Variants in ADAM2 observed in about 807,000 individuals in gnomAD.
ADAM2 encodes the protein ADAM metallopeptidase domain 2, also known as disintegrin and metalloproteinase domain-containing protein 2.
ADAM2 carries 101 observed loss-of-function variants against 99.3 expected under a neutral mutation model. The observed-to-expected ratio is 1.02, with a 90% CI of 0.87 to 1.20. ADAM2 has a LOEUF of 1.20. Ranked by LOEUF, ADAM2 falls within the 50% of genes most tolerant of loss-of-function variation. ADAM2 has a pLI of 0.00. For synonymous variants in ADAM2, 323 were observed against 287.6 expected, an observed-to-expected ratio of 1.12 and a Z score of -1.25; for missense variants, 948 against 878.7, an observed-to-expected ratio of 1.08 and a Z score of -1.00.
intron 11 of ADAM2, among the ~76,000 whole-genome samples, chr8:39,774,175 T>G (rs1327002502): frequency 1.3e-5 from 2 of 151,970 alleles, no homozygotes; most frequent in African/African-American, 4.8e-5. Context: ...TTTCTCAATC[T>G]GATTAAAAGT....
chr8:39,750,923 T>C (rs1801910621), intron 16 of ADAM2, among the ~76,000 whole-genome samples: 1 of 152,192 alleles, frequency 6.6e-6, no homozygotes, highest in Admixed American at 6.5e-5. Context: ...CAAGAACATG[T>C]AATTAGAAAT....
rs778730146 is a variant in ADAM2 at position 39,767,256 on chromosome 8, A to T, written c.1213-5T>A. On this transcript the variant is annotated splice_polypyrimidine_tract_variant and splice_region_variant and intron_variant, in intron 12 of 20. Coordinates refer to ENST00000265708, the MANE Select transcript of ADAM2 (RefSeq NM_001464.5). ...TTCTCCAATAAGGGCACAATCCTGTAAGGCAAATCAAATGCTCTGAAGTAT... is the reference window on the plus strand; with the variant it reads ...TTCTCCAATAAGGGCACAATCCTGTTAGGCAAATCAAATGCTCTGAAGTAT... 1 of 1,594,784 alleles carries T rather than the reference A, an allele frequency of 6.3e-7. No individual in the cohort carries two copies. The highest frequency in any genetic ancestry group is 8.5e-7 in the Non-Finnish European group (1 of 1,170,280).
Position 39,786,991 on chromosome 8 carries a change from C to T in ADAM2, c.874G>A (p.Ala292Thr). 1.9e-6 allele frequency: 3 copies of T among 1,591,924 alleles called. No homozygotes were observed. The highest frequency in any genetic ancestry group is 1.7e-6 in the Non-Finnish European group (2 of 1,169,098). ...TACCATACCAGAACAACACCTCCTG[C>T]ATAGTTTGCATCACACATCTTCCCT... ...FQGKMCDANY[A>T]GGVVLHPRTI... Residue 292 changes from alanine to threonine, a missense_variant, in exon 10 of 21, where the codon GCA becomes ACA. By Grantham distance (58) the Ala-to-Thr change is moderately conservative. Transcript: ENST00000265708.
chr8:39,812,939 C>T (rs576781489), intron 6 of ADAM2, among the ~76,000 whole-genome samples: 223 of 152,176 alleles, frequency 1.5e-3, no homozygotes, highest in African/African-American at 4.8e-3. Context: ...TAAACTAAAG[C>T]GCTTTTGCAC....
Position 39,837,147 on chromosome 8 carries a change from T to C in ADAM2, c.121A>G (p.Ile41Val), listed in dbSNP as rs753155211. The C allele has an allele frequency of 6.2e-7, 1 of 1,600,854 alleles. No homozygotes were observed. The highest frequency in any genetic ancestry group is 8.5e-7 in the Non-Finnish European group (1 of 1,171,002). Residue 41 changes from isoleucine to valine, a missense_variant, in exon 2 of 21, where the codon ATT becomes GTT. Transcript: ENST00000265708. The part of the protein sequence containing the change: ...EKIRSIIKEG[I>V]ESQASYKIVI... ...TAGTGATTCATTACCTGCGATTCAA[T>C]TCCTTCCTTTATTATTGACCGTATT...
intron 7 of ADAM2, among the ~76,000 whole-genome samples, chr8:39,799,690 A>G (rs964175979): frequency 6.6e-6 from 1 of 151,670 alleles, no homozygotes; most frequent in Non-Finnish European, 1.5e-5. Context: ...TAGATCTCTA[A>G]GAACTTGCTT....
chr8:39,830,362 G>A (rs545145526), intron 3 of ADAM2, among the ~76,000 whole-genome samples: 1 of 152,250 alleles, frequency 6.6e-6, no homozygotes, highest in South Asian at 2.1e-4. Flanking sequence ...TGAAAATGAA[G>A]TGGTATTGCA....
At chr8:39,747,790 A>C (rs1026530187) in intron 18 of ADAM2, among the ~76,000 whole-genome samples, 6 of 152,192 alleles carry the variant, frequency 3.9e-5, no homozygotes, top group African/African-American at 1.2e-4. Flanking sequence ...CAGTGATGCC[A>C]AACAATTTAC....
At chr8:39,810,424 C>T (rs1465556323) in intron 6 of ADAM2, among the ~76,000 whole-genome samples, 36 of 152,204 alleles carry the variant, frequency 2.4e-4, no homozygotes, top group Admixed American at 2.4e-3. Context: ...CAGCTCTGCA[C>T]CAAGTGGACC....
intron 7 of ADAM2, among the ~76,000 whole-genome samples, chr8:39,807,166 T>G (rs539475063): frequency 1.6e-4 from 24 of 152,358 alleles, no homozygotes; most frequent in African/African-American, 5.8e-4. Context: ...TTCTTGAGGC[T>G]TACAATCTAA....
chr8:39,777,169 A>G lies in ADAM2; in HGVS notation c.892-8T>C, dbSNP rs1803024356. ...ACTTATGGTTCTGGGGTGCTGAGAA[A>G]AAAAAATAGATGTACACGTTTTGGG... On this transcript the variant is annotated splice_polypyrimidine_tract_variant and splice_region_variant and intron_variant, in intron 10 of 20. Transcript: ENST00000265708. The G allele has an allele frequency of 6.3e-7, 1 of 1,594,952 alleles. No homozygotes were observed. The highest frequency in any genetic ancestry group is 8.5e-7 in the Non-Finnish European group (1 of 1,173,086).
intron 3 of ADAM2, among the ~76,000 whole-genome samples, chr8:39,826,172 C>A (rs1235717597): frequency 6.6e-6 from 1 of 152,148 alleles, no homozygotes; most frequent in Non-Finnish European, 1.5e-5. Flanking sequence ...AGGCATCATA[C>A]TACTTGACTT....
At position 39,760,882 on chromosome 8, in the gene ADAM2, C is replaced by CAAAAAAAAAAA. The variant is rs58386097; in HGVS notation, c.1613+283_1613+293dup. The stretch of plus-strand genomic sequence containing the variant: ...TAGGCAACAGAGTGAGACTCCATCT[C>CAAAAAAAAAAA]AAAAAAAAAAAAAAAAAAAAAAAAA... On this transcript the variant is annotated intron_variant, in intron 15 of 20. Transcript: ENST00000265708. Among the ~76,000 whole-genome samples the CAAAAAAAAAAA allele has an allele frequency of 4.5e-4, 27 of 60,178 alleles. 1 individual carries two copies. Among genetic ancestry groups the CAAAAAAAAAAA allele is most frequent in the East Asian group, 1.6e-3 (3 of 1,846 alleles). The allele number at this position is 60,178 out of a possible 152,430, so 39.5% of individuals were successfully genotyped here. A position where few individuals can be genotyped will look rare whatever the true frequency, so the allele number is the denominator to read the frequency against.
intron 7 of ADAM2, among the ~76,000 whole-genome samples, chr8:39,797,932 A>C (rs984136643): frequency 5.3e-5 from 8 of 152,352 alleles, no homozygotes; most frequent in African/African-American, 1.9e-4. Context: ...CAGTTGAAGA[A>C]GCTTTTGGGC....
chr8:39,746,337 A>T, intron 19 of ADAM2, 135 bp downstream of exon 19: 1 of 629,182 alleles, frequency 1.6e-6, no homozygotes, highest in Non-Finnish European at 2.5e-6. Flanking sequence ...ATTAGTTATT[A>T]ATATATGAGT....
rs147082515 is a variant in ADAM2, at chr8:39,785,920, C to T, written c.891+1054G>A. 5.0e-3 allele frequency among the ~76,000 whole-genome samples: 765 copies of T among 152,050 alleles called. 5 individuals are homozygous for T. The highest frequency in any genetic ancestry group is 0.017 in the African/African-American group (724 of 41,498). ...AAGACATGGAATCAGCCTAAGTGTC[C>T]GTAAATGGTGGATCGGATAAAGAAA... is the stretch of plus-strand genomic sequence containing the variant. On this transcript the variant is annotated intron_variant, in intron 10 of 20. Coordinates refer to ENST00000265708, the MANE Select transcript of ADAM2 (RefSeq NM_001464.5).
intron 6 of ADAM2, among the ~76,000 whole-genome samples, chr8:39,816,636 G>A (rs920198746): frequency 6.6e-5 from 10 of 152,134 alleles, no homozygotes; most frequent in African/African-American, 2.4e-4. Flanking sequence ...TATAAAAGAG[G>A]TACTGATGAG....
chr8:39,746,234 C>T lies in ADAM2; in HGVS notation c.2174+238G>A, dbSNP rs555691287. On this transcript the variant is annotated intron_variant, in intron 19 of 20. Coordinates refer to ENST00000265708, the MANE Select transcript of ADAM2 (RefSeq NM_001464.5). ...GAGAGATGGGGTTTCATCATGTTGCCCAGGCTTGTCTTGAACTCCTGGCTT... is the reference window on the plus strand; with the variant it reads ...GAGAGATGGGGTTTCATCATGTTGCTCAGGCTTGTCTTGAACTCCTGGCTT... 1.5e-4 allele frequency among the ~76,000 whole-genome samples: 23 copies of T among 152,086 alleles called. No individual in the cohort carries two copies. In the South Asian group the frequency reaches 4.6e-3, roughly 30 times the overall value.
chr8:39,827,196 C>T (rs1179416883), intron 3 of ADAM2, among the ~76,000 whole-genome samples: 1 of 152,086 alleles, frequency 6.6e-6, no homozygotes, highest in African/African-American at 2.4e-5. Context: ...ACACCTTACT[C>T]CTGTTTGATT....
Sources: allele counts gnomAD v4.1 joint callset (sites outside exome capture counted in the v4.1 genomes callset), GRCh38; gene constraint gnomAD v4.1.1; transcripts MANE v1.5; gene names NCBI Gene and HGNC (gene_info 2026-07-23, HGNC 2026-07-21).